The following OR2L13 variants were observed in gnomAD, a reference collection of about 807,000 sequenced individuals.
OR2L13 encodes the protein olfactory receptor family 2 subfamily L member 13.
A neutral mutation model predicts 15.3 loss-of-function variants in OR2L13; 14 were observed. The observed-to-expected ratio is 0.91, with a 90% confidence interval of 0.60 to 1.43. The LOEUF (loss-of-function observed/expected upper bound fraction) is 1.43, where lower values mean the gene tolerates loss of function less well. Among genes scored for constraint, OR2L13 ranks in the 40% most tolerant of loss-of-function variants. OR2L13 has a pLI of 0.00. For missense variants in OR2L13, 367 were observed against 387.9 expected (o/e 0.95, Z 0.45); for synonymous variants, 152 against 142.9 (o/e 1.06, Z -0.45).
At chr1:248,099,915 C>T (rs748573501) in exon 3 of OR2L13, 61 of 1,614,050 alleles carry the variant, frequency 3.8e-5, no homozygotes, top group Non-Finnish European at 5.1e-5. Flanking sequence ...TCTGCGATGT[C>T]CCAGCCATGT....
the OR2L13 span, among the ~76,000 whole-genome samples, chr1:247,950,240 A>G: frequency 6.6e-6 from 1 of 152,096 alleles, no homozygotes. Context: ...CTTATCTTAG[A>G]CACTTAACGT....
chr1:248,092,318 T>C (rs930259979), upstream of OR2L13, among the ~76,000 whole-genome samples: 3 of 152,158 alleles, frequency 2.0e-5, no homozygotes, highest in African/African-American at 7.2e-5. Flanking sequence ...ATAATACATA[T>C]TAATACTTAA....
upstream of OR2L13, among the ~76,000 whole-genome samples, chr1:248,094,084 A>G (rs1395096049): frequency 6.6e-6 from 1 of 152,134 alleles, no homozygotes; most frequent in Non-Finnish European, 1.5e-5. Flanking sequence ...TTTCTAACAG[A>G]AAAAATTAAT....
the OR2L13 span, among the ~76,000 whole-genome samples, chr1:248,000,610 T>C: frequency 6.6e-6 from 1 of 152,146 alleles, no homozygotes; most frequent in African/African-American, 2.4e-5. Context: ...TTATGCTGAA[T>C]ATGTACATCC....
At chr1:248,091,897 A>G (rs143596939), upstream of OR2L13, among the ~76,000 whole-genome samples, 57 of 152,272 alleles carry the variant, frequency 3.7e-4, no homozygotes, top group East Asian at 0.011. Context: ...TGGCCATTTT[A>G]AGAATATTGA....
chr1:247,959,321 C>A, the OR2L13 span, among the ~76,000 whole-genome samples: 1 of 152,198 alleles, frequency 6.6e-6, no homozygotes, highest in Admixed American at 6.5e-5. Context: ...TGCTGTTAGT[C>A]CGATGGGCTT....
the OR2L13 span, among the ~76,000 whole-genome samples, chr1:248,027,009 C>T: frequency 6.6e-6 from 1 of 152,174 alleles, no homozygotes; most frequent in Admixed American, 6.5e-5. Flanking sequence ...ACTCTGGCTG[C>T]CTGTGAGCTG....
chr1:247,937,203 C>G, the OR2L13 span: 3 of 153,396 alleles, frequency 2.0e-5, no homozygotes, highest in African/African-American at 7.2e-5. Context: ...GGAGGACGCG[C>G]TGCTGCGAGA....
At chr1:248,042,292 G>A in the OR2L13 span, 1 of 147,542 alleles carries the variant, frequency 6.8e-6, no homozygotes, top group African/African-American at 2.5e-5. Context: ...ACTCATAGGT[G>A]GGAATTGAAC....
At chr1:247,994,398 AAAAC>A in the OR2L13 span, among the ~76,000 whole-genome samples, 3 of 152,166 alleles carry the variant, frequency 2.0e-5, no homozygotes, top group African/African-American at 4.8e-5. Flanking sequence ...CTCCATCTCA[AAAAC>A]AAACAAACAA....
the OR2L13 span, among the ~76,000 whole-genome samples, chr1:247,941,943 A>G: frequency 6.6e-6 from 1 of 152,154 alleles, no homozygotes; most frequent in Non-Finnish European, 1.5e-5. Flanking sequence ...GCTGGTAAAT[A>G]CTGGGAATTA....
At chr1:248,070,685 G>A in the OR2L13 span, among the ~76,000 whole-genome samples, 2 of 151,990 alleles carry the variant, frequency 1.3e-5, no homozygotes, top group African/African-American at 4.8e-5. Context: ...ATGAATCCAG[G>A]AGCTGGTTTT....
chr1:247,938,116 G>A, the OR2L13 span, among the ~76,000 whole-genome samples: 1 of 151,980 alleles, frequency 6.6e-6, no homozygotes, highest in East Asian at 1.9e-4. Flanking sequence ...CATAAAATAA[G>A]CAATTATTAT....
chr1:248,048,919 C>CTTTT, the OR2L13 span, among the ~76,000 whole-genome samples: 2 of 138,194 alleles, frequency 1.4e-5, no homozygotes, highest in African/African-American at 6.4e-5. Flanking sequence ...CCTTTTCTCT[C>CTTTT]TCTCTTTTTT....
At chr1:248,027,178 A>T in the OR2L13 span, among the ~76,000 whole-genome samples, 6,368 of 152,244 alleles carry the variant, frequency 0.042, 429 homozygotes, top group African/African-American at 0.14. Flanking sequence ...TTACAGTCAT[A>T]GATAAGGGAC....
At chr1:248,057,274 C>A in the OR2L13 span, among the ~76,000 whole-genome samples, 4 of 152,084 alleles carry the variant, frequency 2.6e-5, no homozygotes, top group African/African-American at 9.7e-5. Flanking sequence ...GGGTCTAAGT[C>A]TCTTTGTAGG....
the OR2L13 span, among the ~76,000 whole-genome samples, chr1:247,982,178 T>C: frequency 6.6e-6 from 1 of 152,172 alleles, no homozygotes. Context: ...TCTTTGAAAA[T>C]AGTTTTGATA....
At chr1:248,007,835 G>A in the OR2L13 span, among the ~76,000 whole-genome samples, 40 of 152,226 alleles carry the variant, frequency 2.6e-4, no homozygotes, top group African/African-American at 8.2e-4. Context: ...AGCAAAGTTT[G>A]ATTTTTGGAA....
At chr1:248,061,868 T>G in the OR2L13 span, 2 of 325,868 alleles carry the variant, frequency 6.1e-6, no homozygotes, top group Admixed American at 4.3e-5. Flanking sequence ...ATGTTGTCAA[T>G]GAGAATTTTT....
Sources: gnomAD v4.1 joint callset for allele counts (sites outside exome capture counted in the v4.1 genomes callset) on GRCh38, gnomAD v4.1.1 for gene constraint, MANE v1.5 for transcripts, NCBI Gene and HGNC (gene_info 2026-07-23, HGNC 2026-07-21) for gene names.